MRPL3: variants seen among roughly 807,000 people sequenced by gnomAD.
MRPL3 encodes large ribosomal subunit protein uL3m.
MRPL3 carries 43 observed loss-of-function variants against 44.3 expected under a neutral mutation model. That is an observed-to-expected ratio of 0.97 (90% confidence interval 0.76 to 1.25). MRPL3 has a LOEUF of 1.25. Ranked by LOEUF, MRPL3 falls within the 50% of genes most tolerant of loss-of-function variation. The pLI, the probability that MRPL3 is intolerant of heterozygous loss-of-function variation, is 0.00. For synonymous variants in MRPL3, 171 were observed against 152.3 expected, an observed-to-expected ratio of 1.12 and a Z score of -0.91; for missense variants, 406 against 427.6, an observed-to-expected ratio of 0.95 and a Z score of 0.45.
chr3:131,487,767 A>C (rs763533542), intron 5 of MRPL3, 27 bp from the exon 6 acceptor site: 17 of 1,591,338 alleles, frequency 1.1e-5, no homozygotes, highest in Non-Finnish European at 1.5e-5. Flanking sequence ...TGAAAAATCA[A>C]TATGAAATTT....
chr3:131,499,897 A>G (rs1229386202), intron 3 of MRPL3, among the ~76,000 whole-genome samples: 6 of 152,218 alleles, frequency 3.9e-5, no homozygotes, highest in Non-Finnish European at 8.8e-5. Context: ...TACAGAATAG[A>G]GTATCTTTTA....
In MRPL3 at chr3:131,494,246, T is replaced by C. The variant is rs543667985; in HGVS notation, c.468+3933A>G. The stretch of plus-strand genomic sequence containing the variant: ...CCACAAGAGTGATAACACAAATTCA[T>C]TCCAATCATTCTCTATTATTTTATT... On this transcript the variant is annotated intron_variant, in intron 4 of 9. Transcript: ENST00000264995. Among the ~76,000 whole-genome samples the C allele has an allele frequency of 7.9e-5, 12 of 152,334 alleles. No homozygotes were observed. The East Asian group carries it at 2.1e-3, about 27-fold the overall frequency.
intron 4 of MRPL3, among the ~76,000 whole-genome samples, chr3:131,496,636 C>G (rs2110714398): frequency 6.6e-6 from 1 of 152,268 alleles, no homozygotes; most frequent in African/African-American, 2.4e-5. Flanking sequence ...TTGTGTCCTC[C>G]CACCTAGTCC....
intron 9 of MRPL3, among the ~76,000 whole-genome samples, chr3:131,466,192 C>A (rs1203911062): frequency 6.6e-6 from 1 of 151,812 alleles, no homozygotes; most frequent in African/African-American, 2.4e-5. Flanking sequence ...ATTCCCTATG[C>A]TAGTAATGGA....
chr3:131,484,091 A>T (rs1187350159), intron 6 of MRPL3, among the ~76,000 whole-genome samples: 1 of 152,198 alleles, frequency 6.6e-6, no homozygotes, highest in Non-Finnish European at 1.5e-5. Context: ...TTTTAATTAC[A>T]TTAAACTTGC....
In MRPL3 at chr3:131,471,242, C is replaced by T. The variant is rs1933736456; in HGVS notation, c.667G>A (p.Gly223Arg). 1 of 1,613,334 alleles carries T rather than the reference C, an allele frequency of 6.2e-7. No individual in the cohort carries two copies. Among genetic ancestry groups the T allele is most frequent in the South Asian group, 1.1e-5 (1 of 91,066 alleles). Reference protein sequence around the residue: ...KGFQGVMKRWGFKGQPATHGQ... With the variant: ...KGFQGVMKRWRFKGQPATHGQ... ...TGCGTAGCAGGCTGGCCTTTAAATC[C>T]CCATCTTTTCATGACACCTTGAAAA... is the stretch of plus-strand genomic sequence containing the variant. Residue 223 changes from glycine (G) to arginine (R), a missense_variant, in exon 7 of 10, where the codon GGA (glycine) becomes AGA (arginine). By Grantham distance (125) the Gly-to-Arg change is moderately radical. Coordinates refer to ENST00000264995, the MANE Select transcript of MRPL3 (RefSeq NM_007208.4).
chr3:131,486,575 C>T (rs1428163711), intron 6 of MRPL3, among the ~76,000 whole-genome samples: 1 of 151,574 alleles, frequency 6.6e-6, no homozygotes, highest in Admixed American at 6.6e-5. Context: ...TGACACAGGG[C>T]TAATATCCAG....
intron 6 of MRPL3, among the ~76,000 whole-genome samples, chr3:131,482,990 T>C (rs1389879353): frequency 1.4e-5 from 2 of 143,976 alleles, no homozygotes; most frequent in East Asian, 2.0e-4. Context: ...ATTCTTCTTT[T>C]TTTTTTTTTT....
Position 131,468,188 on chromosome 3 carries a change from CA to C in MRPL3, c.817-21del. On this transcript the variant is annotated intron_variant, in intron 8 of 9. Transcript: ENST00000264995. The stretch of plus-strand genomic sequence containing the variant: ...CCACACCTAAAGCATGAAATAAAAC[CA>C]AAAATTTTAGGATATACTTGTATTA... 3 of 1,486,246 alleles carry C rather than the reference CA, an allele frequency of 2.0e-6. No individual in the cohort carries two copies. Among genetic ancestry groups the C allele is most frequent in the Admixed American group, 2.1e-5 (1 of 46,790 alleles). 92.1% of individuals were successfully genotyped at this position (1,486,246 alleles called of 1,614,324 possible).
intron 9 of MRPL3, among the ~76,000 whole-genome samples, chr3:131,467,318 A>G (rs1313941178): frequency 6.6e-6 from 1 of 152,050 alleles, no homozygotes; most frequent in East Asian, 1.9e-4. Flanking sequence ...GGGGCACTTT[A>G]AAAAGCTAAC....
chr3:131,469,559 A>G (rs1380311241), intron 8 of MRPL3, 137 bp downstream of exon 8: 1 of 557,882 alleles, frequency 1.8e-6, no homozygotes, highest in African/African-American at 2.0e-5. Flanking sequence ...CACACACACA[A>G]TTCATGTATC....
chr3:131,486,601 C>CA (rs1233471862), intron 6 of MRPL3, among the ~76,000 whole-genome samples: 1 of 151,738 alleles, frequency 6.6e-6, no homozygotes, highest in Non-Finnish European at 1.5e-5. Context: ...ACAAAGAACT[C>CA]AAACAAATTT....
In MRPL3 at chr3:131,484,498, C is replaced by A. The variant is rs142756323; in HGVS notation, c.629+3182G>T. ...ACATATTGTTCCCCTAGTGTTCACC[C>A]TTCCAACAGGATTAATATCCAGAAG... On this transcript the variant is annotated intron_variant, in intron 6 of 9. Coordinates refer to ENST00000264995, the MANE Select transcript of MRPL3 (RefSeq NM_007208.4). Among the ~76,000 whole-genome samples, 904 of 152,250 alleles carry A rather than the reference C, an allele frequency of 5.9e-3. 5 individuals carry two copies. Among genetic ancestry groups the A allele is most frequent in the Non-Finnish European group, 8.4e-3 (573 of 68,016 alleles).
At chr3:131,491,860 C>G (rs200979371) in intron 4 of MRPL3, among the ~76,000 whole-genome samples, 1 of 152,008 alleles carries the variant, frequency 6.6e-6, no homozygotes, top group Non-Finnish European at 1.5e-5. Context: ...TTTTAAAACT[C>G]AAGCCATATC....
rs562270041 is a variant in MRPL3 at position 131,501,461 on chromosome 3, C to T, written c.277+70G>A. On this transcript the variant is annotated intron_variant, in intron 2 of 9. Coordinates refer to ENST00000264995, the MANE Select transcript of MRPL3 (RefSeq NM_007208.4). ...GAAATGATAAATTATCAAGTAGTCA[C>T]TATGATTTTAAATGTGTCCAGCCAC... The T allele has an allele frequency of 4.2e-6, 5 of 1,192,588 alleles. No homozygotes were observed. The African/African-American group carries it at 6.2e-5, about 15-fold the overall frequency. 73.9% of individuals were successfully genotyped at this position (1,192,588 alleles called of 1,614,324 possible). A position where few individuals can be genotyped will look rare whatever the true frequency, so the allele number is the denominator to read the frequency against.
chr3:131,490,310 A>G (rs1263267732), intron 4 of MRPL3, among the ~76,000 whole-genome samples: 1 of 152,152 alleles, frequency 6.6e-6, no homozygotes, highest in Non-Finnish European at 1.5e-5. Context: ...TCATGTACAT[A>G]GTGTTCAAAT....
In MRPL3 at chr3:131,501,951, C is replaced by T; in HGVS notation, c.93-236G>A. Reference sequence around the variant, plus strand: ...TGGAGAAAAAAATTCATCTTCTCCTCGCAGATAAACATATTCCCCAAAAAA... The same window carrying T: ...TGGAGAAAAAAATTCATCTTCTCCTTGCAGATAAACATATTCCCCAAAAAA... On this transcript the variant is annotated intron_variant, in intron 1 of 9. Transcript: ENST00000264995. 4 of 1,514,612 alleles carry T rather than the reference C, an allele frequency of 2.6e-6. 1 individual carries two copies. The highest frequency in any genetic ancestry group is 2.5e-5 in the East Asian group (1 of 40,788). The allele number at this position is 1,514,612 out of a possible 1,614,324, so 93.8% of individuals were successfully genotyped here.
In MRPL3 at chr3:131,502,922, G is replaced by C. The variant is rs553761376; in HGVS notation, c.-101C>G. 9.5e-6 allele frequency: 11 copies of C among 1,156,504 alleles called. No homozygotes were observed. The South Asian group carries it at 1.0e-4, about 11-fold the overall frequency. The allele number at this position is 1,156,504 out of a possible 1,614,324, so 71.6% of individuals were successfully genotyped here. ...CGCCACGTGGACGCAGTAGCCGTGG[G>C]GAAGTTTTCGCAATGGCCGCCGGAA... is the stretch of plus-strand genomic sequence containing the variant. On this transcript the variant is annotated 5_prime_UTR_variant, in exon 1 of 10. Transcript: ENST00000264995.
intron 4 of MRPL3, among the ~76,000 whole-genome samples, chr3:131,494,588 A>G (rs1263527838): frequency 6.6e-6 from 1 of 152,156 alleles, no homozygotes; most frequent in Non-Finnish European, 1.5e-5. Flanking sequence ...AAAACAGACA[A>G]TATATATAAA....
Sources: allele counts gnomAD v4.1 joint callset (sites outside exome capture counted in the v4.1 genomes callset), GRCh38; gene constraint gnomAD v4.1.1; transcripts MANE v1.5; gene names NCBI Gene and HGNC (gene_info 2026-07-23, HGNC 2026-07-21).